FAM234B: variants seen among roughly 807,000 people sequenced by gnomAD.
The protein encoded by FAM234B is protein FAM234B.
In FAM234B, 33 loss-of-function variants were observed where a neutral mutation model predicts 69.3. The ratio of observed to expected loss-of-function variants is 0.48; its 90% CI spans 0.36 to 0.64. The LOEUF (loss-of-function observed/expected upper bound fraction) is 0.64. Among genes scored for constraint, FAM234B ranks in the 30% least tolerant of loss-of-function variants. The probability of loss-of-function intolerance (pLI) is 0.00; values close to 1 mark genes in which losing one functional copy is unlikely to be tolerated. For synonymous variants in FAM234B, 306 were observed against 306.9 expected (o/e 1.00, Z 0.03); for missense variants, 697 against 769.7 (o/e 0.91, Z 1.12).
rs140606793 is a variant in FAM234B at position 13,071,929 on chromosome 12, G to A, written c.1524+533G>A. Among the ~76,000 whole-genome samples the A allele has an allele frequency of 4.9e-4, 75 of 152,322 alleles. No homozygotes were observed. The East Asian group carries it at 0.013, about 25-fold the overall frequency. Reference sequence around the variant, plus strand: ...ACACCTAGAAGGCAGATTTTAGAAAGTCTTAAATGTTACACTGCAGTATTT... The same window carrying A: ...ACACCTAGAAGGCAGATTTTAGAAAATCTTAAATGTTACACTGCAGTATTT... On this transcript the variant is annotated intron_variant, in intron 10 of 12. Transcript: ENST00000197268.
intron 11 of FAM234B, among the ~76,000 whole-genome samples, chr12:13,076,608 G>A (rs1355303106): frequency 6.6e-6 from 1 of 152,200 alleles, no homozygotes; most frequent in African/African-American, 2.4e-5. Flanking sequence ...GAATATAACT[G>A]TGCACCCTGC....
chr12:13,063,123 G>A (rs1865001681), intron 5 of FAM234B, 148 bp downstream of exon 5: 1 of 960,706 alleles, frequency 1.0e-6, no homozygotes, highest in Non-Finnish European at 1.6e-6. Context: ...GTGAGGTTAA[G>A]TGAATACTTG....
chr12:13,078,753 A>G (rs559125785), intron 11 of FAM234B, among the ~76,000 whole-genome samples: 1 of 152,322 alleles, frequency 6.6e-6, no homozygotes, highest in South Asian at 2.1e-4. Flanking sequence ...TAACAGACAA[A>G]CAGAGAGCCA....
chr12:13,065,924 A>G (rs1317135533), intron 5 of FAM234B, among the ~76,000 whole-genome samples: 1 of 152,168 alleles, frequency 6.6e-6, no homozygotes, highest in Non-Finnish European at 1.5e-5. Context: ...AAATCCTCAT[A>G]TTTCTTAACT....
In FAM234B at chr12:13,044,453, A is replaced by T; in HGVS notation, c.37+13A>T. ...CTCAAGCTGCCGGGTAAGGAGTCGC[A>T]TGCTTGCGACCACCCAGTCCCCGCC... On this transcript the variant is annotated intron_variant, in intron 1 of 12. Coordinates refer to ENST00000197268, the MANE Select transcript of FAM234B (RefSeq NM_020853.2). This position sits in a 1 kb window ranked among gnomAD's most constrained non-coding sequence, Gnocchi z 5.6. 6.4e-7 allele frequency: 1 copy of T among 1,550,828 alleles called. No homozygotes were observed. The highest frequency in any genetic ancestry group is 8.7e-7 in the Non-Finnish European group (1 of 1,146,694).
chr12:13,045,633 T>G (rs570635394), intron 1 of FAM234B, among the ~76,000 whole-genome samples: 2 of 152,294 alleles, frequency 1.3e-5, no homozygotes, highest in East Asian at 3.9e-4. Flanking sequence ...ATTATTTTTT[T>G]TAATATGGGC....
chr12:13,059,888 C>T (rs987208677), intron 3 of FAM234B, among the ~76,000 whole-genome samples: 6 of 152,176 alleles, frequency 3.9e-5, no homozygotes, highest in East Asian at 1.9e-4. Flanking sequence ...TGGTATCTTA[C>T]GTAGTTTGCT....
rs1199519895 is a variant in FAM234B, at chr12:13,066,713, T to C, written c.926T>C (p.Val309Ala). The C allele has an allele frequency of 1.9e-6, 3 of 1,614,104 alleles. No individual in the cohort carries two copies. The highest frequency in any genetic ancestry group is 1.7e-5 in the Admixed American group (1 of 60,018). ...GGTCGACCTGTGAAGTACAACATCGTTGGAGTTGGGAATCTGATTGGTCCT... is the reference window on the plus strand; with the variant it reads ...GGTCGACCTGTGAAGTACAACATCGCTGGAGTTGGGAATCTGATTGGTCCT... ...PVGRPVKYNI[V>A]GVGNLIGPQV... is the part of the protein sequence containing the mutation. Residue 309 changes from valine to alanine, a missense_variant, in exon 6 of 13, where the codon GTT (valine) becomes GCT (alanine). Val to Ala is a moderately conservative substitution (Grantham distance 64). This residue lies in a region of FAM234B where 380 missense variants were observed against 447.1 expected (regional missense o/e 0.85). Coordinates refer to ENST00000197268, the MANE Select transcript of FAM234B (RefSeq NM_020853.2).
At chr12:13,075,946 C>A in intron 10 of FAM234B, 80 bp from the exon 11 acceptor site, 1 of 985,152 alleles carries the variant, frequency 1.0e-6, no homozygotes, top group Non-Finnish European at 1.6e-6. Context: ...CCATTTTCTA[C>A]TCTGCCTTTT....
chr12:13,058,485 G>A lies in FAM234B; in HGVS notation c.468G>A (p.Val156=). The change falls in exon 3 of 13, where the codon GTG becomes GTA. Residue 156 remains valine (V), a synonymous_variant. Transcript: ENST00000197268. ...GDLSPLELAD[V]NGDGLRDVLL... is the part of the protein sequence containing the mutation. ...TGTCTCCATTGGAATTGGCTGATGT[G>A]AATGGAGATGGCCTGCGTGATGTGC... The A allele has an allele frequency of 6.2e-7, 1 of 1,614,098 alleles. No homozygotes were observed. The highest frequency in any genetic ancestry group is 2.2e-5 in the East Asian group (1 of 44,878).
intron 3 of FAM234B, among the ~76,000 whole-genome samples, chr12:13,060,301 A>C (rs1285302675): frequency 1.3e-5 from 2 of 152,100 alleles, no homozygotes; most frequent in South Asian, 2.1e-4. Flanking sequence ...TTGTCTATTC[A>C]CTTGTTCCTT....
intron 9 of FAM234B, among the ~76,000 whole-genome samples, chr12:13,069,336 T>A (rs2120489829): frequency 6.6e-6 from 1 of 152,342 alleles, no homozygotes; most frequent in South Asian, 2.1e-4. Context: ...AATTTTTTTT[T>A]ATTATCGACC....
At chr12:13,052,905 T>A (rs966845966) in intron 1 of FAM234B, among the ~76,000 whole-genome samples, 4 of 152,212 alleles carry the variant, frequency 2.6e-5, no homozygotes, top group Admixed American at 2.0e-4. Flanking sequence ...TTAATATTAT[T>A]CTAACAACCC....
rs184195986 is a variant in FAM234B at position 13,067,308 on chromosome 12, G to A, written c.1142+12G>A. ...ATTGATGTTTACAGGTAGGGCAGAC[G>A]TCTGTCCTTGGTCACAGTGAGATCT... On this transcript the variant is annotated intron_variant, in intron 7 of 12. Coordinates refer to ENST00000197268, the MANE Select transcript of FAM234B (RefSeq NM_020853.2). This position sits in a 1 kb window ranked among gnomAD's most constrained non-coding sequence, Gnocchi z 4.7. 396 of 1,613,790 alleles carry A rather than the reference G, an allele frequency of 2.5e-4. 2 individuals carry two copies. In the African/African-American group the frequency reaches 4.4e-3, roughly 18 times the overall value.
intron 5 of FAM234B, among the ~76,000 whole-genome samples, 183 bp from the exon 6 acceptor site, chr12:13,066,457 A>G (rs936658677): frequency 3.3e-5 from 5 of 152,188 alleles, no homozygotes; most frequent in Admixed American, 2.0e-4. Flanking sequence ...GCAATGGGAC[A>G]TTTGCTTCAC....
At chr12:13,079,137 C>G (rs1245242030) in intron 11 of FAM234B, among the ~76,000 whole-genome samples, 3 of 152,296 alleles carry the variant, frequency 2.0e-5, no homozygotes, top group Admixed American at 1.3e-4. Flanking sequence ...TGACTTCAAA[C>G]TATACTACAA....
intron 1 of FAM234B, among the ~76,000 whole-genome samples, chr12:13,048,065 C>T (rs1864830827): frequency 1.3e-5 from 2 of 152,068 alleles, no homozygotes; most frequent in Admixed American, 6.6e-5. Flanking sequence ...AAAGGCTGGC[C>T]AAGAACTGGC....
chr12:13,058,113 T>G (rs1864949961), intron 2 of FAM234B, among the ~76,000 whole-genome samples: 1 of 152,182 alleles, frequency 6.6e-6, no homozygotes, highest in Admixed American at 6.5e-5. Context: ...TGTCTGTATC[T>G]GTGGTGTTTC....
intron 2 of FAM234B, 22 bp from the exon 3 acceptor site, chr12:13,058,429 T>C (rs886133697): frequency 6.2e-7 from 1 of 1,606,010 alleles, no homozygotes; most frequent in Admixed American, 1.7e-5. Context: ...AGGACCTTTT[T>C]GGTTTTTTAT....
Sources: allele counts gnomAD v4.1 joint callset (sites outside exome capture counted in the v4.1 genomes callset), GRCh38; gene constraint gnomAD v4.1.1; regional missense constraint gnomAD v4.1.1; non-coding constraint Gnocchi (gnomAD v3.1); transcripts MANE v1.5; gene names NCBI Gene and HGNC (gene_info 2026-07-23, HGNC 2026-07-21).